PCDH7: variants seen among roughly 807,000 people sequenced by gnomAD.
PCDH7 encodes protocadherin-7.
Under a neutral mutation model 58.9 loss-of-function variants are expected in PCDH7, and 17 were observed. The observed-to-expected ratio is 0.29, with a 90% CI of 0.20 to 0.43. PCDH7 has a LOEUF of 0.43. PCDH7 is among the 20% of genes least tolerant of loss of function. PCDH7 has a pLI of 1.00. For missense variants in PCDH7, 1,274 were observed against 1,441.0 expected, an observed-to-expected ratio of 0.88 and a Z score of 1.88; for synonymous variants, 664 against 616.4, an observed-to-expected ratio of 1.08 and a Z score of -1.14.
chr4:30,843,110 A>G (rs1731432837), intron 1 of PCDH7, among the ~76,000 whole-genome samples: 1 of 151,680 alleles, frequency 6.6e-6, no homozygotes, highest in South Asian at 2.1e-4. Flanking sequence ...ACAGTTTATA[A>G]GTGTCAGTTG....
At chr4:30,859,579 A>G (rs1263313246) in intron 1 of PCDH7, among the ~76,000 whole-genome samples, 1 of 151,814 alleles carries the variant, frequency 6.6e-6, no homozygotes, top group Admixed American at 6.6e-5. Flanking sequence ...AGCTGGGATT[A>G]CAGGCGCCCA....
intron 1 of PCDH7, among the ~76,000 whole-genome samples, chr4:30,832,640 T>C (rs1053436356): frequency 1.3e-5 from 2 of 152,120 alleles, no homozygotes; most frequent in African/African-American, 4.8e-5. Context: ...GTGCATGCAC[T>C]TGTGCTCCTG....
chr4:30,984,382 G>C (rs559199842), intron 3 of PCDH7, among the ~76,000 whole-genome samples: 2 of 152,172 alleles, frequency 1.3e-5, no homozygotes, highest in African/African-American at 4.8e-5. Flanking sequence ...TATGGAAAGA[G>C]CAATGGATTA....
chr4:30,874,495 A>T (rs1048663709), intron 1 of PCDH7, among the ~76,000 whole-genome samples: 1 of 150,054 alleles, frequency 6.7e-6, no homozygotes, highest in Non-Finnish European at 1.5e-5. Context: ...AACAATGAGA[A>T]CACATGGACA....
At chr4:31,010,270 T>A (rs1019839644) in intron 3 of PCDH7, among the ~76,000 whole-genome samples, 2 of 151,988 alleles carry the variant, frequency 1.3e-5, no homozygotes, top group African/African-American at 4.8e-5. Context: ...AGCTAGAAAC[T>A]TAATGAAAAT....
At chr4:31,142,425 C>A in intron 3 of PCDH7, 48 bp from the exon 3 acceptor site, 2 of 1,316,296 alleles carry the variant, frequency 1.5e-6, no homozygotes, top group Non-Finnish European at 2.0e-6. Context: ...TCAGGGGAGC[C>A]TGTTGAGGAG....
chr4:30,807,139 C>T (rs1216648246), intron 1 of PCDH7, among the ~76,000 whole-genome samples: 1 of 152,154 alleles, frequency 6.6e-6, no homozygotes, highest in Non-Finnish European at 1.5e-5. Context: ...AGCAGTTATC[C>T]TTTTCATATA....
At chr4:30,874,126 A>C (rs1354594188) in intron 1 of PCDH7, among the ~76,000 whole-genome samples, 1 of 152,072 alleles carries the variant, frequency 6.6e-6, no homozygotes, top group African/African-American at 2.4e-5. Context: ...CCATTGTGGA[A>C]GTCAGTGTGG....
At chr4:31,084,755 G>A (rs182182750) in intron 3 of PCDH7, among the ~76,000 whole-genome samples, 1 of 98,804 alleles carries the variant, frequency 1.0e-5, no homozygotes, top group East Asian at 4.0e-4. Flanking sequence ...AGGGAGGGGA[G>A]GGGAGGAGAT....
intron 1 of PCDH7, among the ~76,000 whole-genome samples, chr4:30,785,919 C>T (rs1287429968): frequency 6.6e-6 from 1 of 151,952 alleles, no homozygotes; most frequent in Non-Finnish European, 1.5e-5. Flanking sequence ...ATCAATTGTA[C>T]CACCATCGAA....
At chr4:31,133,170 A>G (rs1488393881) in intron 3 of PCDH7, among the ~76,000 whole-genome samples, 1 of 152,180 alleles carries the variant, frequency 6.6e-6, no homozygotes, top group Non-Finnish European at 1.5e-5. Flanking sequence ...TGGGGAAAAA[A>G]GGTCTAGGTG....
At chr4:31,088,401 G>C (rs191538070) in intron 3 of PCDH7, among the ~76,000 whole-genome samples, 8 of 152,118 alleles carry the variant, frequency 5.3e-5, no homozygotes, top group Admixed American at 2.0e-4. Context: ...GGGTGAACTT[G>C]AATTTATAAA....
intron 3 of PCDH7, among the ~76,000 whole-genome samples, chr4:31,122,808 G>A (rs1717850227): frequency 6.6e-6 from 1 of 151,532 alleles, no homozygotes; most frequent in African/African-American, 2.4e-5. Context: ...TATAAAAATT[G>A]TTTCTTTGGG....
chr4:31,095,567 A>G (rs974961894), intron 3 of PCDH7, among the ~76,000 whole-genome samples: 1 of 152,014 alleles, frequency 6.6e-6, no homozygotes, highest in Non-Finnish European at 1.5e-5. Flanking sequence ...ATTTTTATTC[A>G]AAAAAATAAT....
rs896694432 is a variant in PCDH7 at position 30,940,965 on chromosome 4, A to G, written c.288-9155A>G. Reference sequence around the variant, plus strand: ...GAAATGAGATATATGCTTTGAGGGAATAGCACTGCCCAAAGTTAACAGATA... The same window carrying G: ...GAAATGAGATATATGCTTTGAGGGAGTAGCACTGCCCAAAGTTAACAGATA... On this transcript the variant is annotated intron_variant, in intron 2 of 3. Coordinates refer to the PCDH7 transcript ENST00000509759. Among the ~76,000 whole-genome samples the G allele has an allele frequency of 5.3e-5, 8 of 152,078 alleles. 1 individual carries two copies. In the South Asian group the frequency reaches 1.0e-3, roughly 20 times the overall value.
chr4:31,056,519 G>GA (rs1757252188), intron 3 of PCDH7, among the ~76,000 whole-genome samples: 1 of 84,402 alleles, frequency 1.2e-5, no homozygotes, highest in Admixed American at 1.3e-4. Flanking sequence ...GAAAGAAAGG[G>GA]GAAGGGAAGG....
rs1713492075 is a variant in PCDH7, at chr4:30,721,360, G to A, written c.-63G>A. On this transcript the variant is annotated 5_prime_UTR_variant, in exon 1 of 2. Coordinates refer to ENST00000361762, the Ensembl canonical transcript of PCDH7. The surrounding 1 kb of genome is among the most constrained non-coding windows in gnomAD (Gnocchi z 6.7). ...CGGGGGAGGGCAGGCGGCCGGCCCC[G>A]GAGGAGGGGGGCGCCGAGGGGGCTG... is the stretch of plus-strand genomic sequence containing the variant. 5 of 1,407,920 alleles carry A rather than the reference G, an allele frequency of 3.6e-6. No individual in the cohort carries two copies. Among genetic ancestry groups the A allele is most frequent in the Admixed American group, 2.9e-5 (1 of 34,746 alleles). The allele number at this position is 1,407,920 out of a possible 1,614,324, so 87.2% of individuals were successfully genotyped here.
At chr4:30,741,427 T>C (rs1294015379) in intron 1 of PCDH7, among the ~76,000 whole-genome samples, 1 of 152,056 alleles carries the variant, frequency 6.6e-6, no homozygotes, top group Admixed American at 6.6e-5. Flanking sequence ...CTCCTGATGT[T>C]AAGCCATCTG....
At chr4:31,059,012 G>A (rs1359501349) in intron 3 of PCDH7, among the ~76,000 whole-genome samples, 1 of 151,944 alleles carries the variant, frequency 6.6e-6, no homozygotes, top group Non-Finnish European at 1.5e-5. Context: ...AAGAGAAATT[G>A]AAGCAATCTT....
Sources: gnomAD v4.1 joint callset for allele counts (sites outside exome capture counted in the v4.1 genomes callset) on GRCh38, gnomAD v4.1.1 for gene constraint, Gnocchi (gnomAD v3.1) non-coding constraint, MANE v1.5 for transcripts, NCBI Gene and HGNC (gene_info 2026-07-23, HGNC 2026-07-21) for gene names.